Variants in RORB observed in about 807,000 individuals in gnomAD.
The protein encoded by RORB is RAR related orphan receptor B.
In RORB, 6 loss-of-function variants were observed where a neutral mutation model predicts 59.1. The ratio of observed to expected loss-of-function variants is 0.10; its 90% confidence interval spans 0.06 to 0.20. The LOEUF is 0.20. Among genes scored for constraint, RORB ranks in the 10% least tolerant of loss-of-function variants. The probability of loss-of-function intolerance (pLI) is 1.00; values close to 1 mark genes in which losing one functional copy is unlikely to be tolerated. For missense variants in RORB, 320 were observed against 560.5 expected, an observed-to-expected ratio of 0.57 and a Z score of 4.33; for synonymous variants, 215 against 204.5, an observed-to-expected ratio of 1.05 and a Z score of -0.44.
intron 1 of RORB, among the ~76,000 whole-genome samples, chr9:74,610,571 T>C (rs1416454858): frequency 1.3e-5 from 2 of 152,162 alleles, no homozygotes; most frequent in East Asian, 3.8e-4. Context: ...CCTAATACCA[T>C]CATCTTGAGG....
intron 1 of RORB, among the ~76,000 whole-genome samples, chr9:74,511,625 A>G (rs1485107423): frequency 6.7e-6 from 1 of 150,360 alleles, no homozygotes; most frequent in Non-Finnish European, 1.5e-5. Flanking sequence ...GAAAAAAAAA[A>G]GTGTCAAGGT....
At chr9:74,594,960 C>G (rs544461222) in intron 1 of RORB, among the ~76,000 whole-genome samples, 2 of 152,132 alleles carry the variant, frequency 1.3e-5, no homozygotes, top group Non-Finnish European at 2.9e-5. Context: ...TTCTACACAT[C>G]CAGTCCCTGA....
intron 1 of RORB, among the ~76,000 whole-genome samples, chr9:74,501,852 T>A (rs1180103178): frequency 6.6e-6 from 1 of 152,182 alleles, no homozygotes; most frequent in Non-Finnish European, 1.5e-5. Context: ...GAGGAAAATG[T>A]AGATGAAGAA....
chr9:74,544,799 C>T (rs10781235), intron 1 of RORB, among the ~76,000 whole-genome samples: 40,160 of 152,052 alleles, frequency 0.26, 6,078 homozygotes, highest in East Asian at 0.75. Flanking sequence ...GCTGAGTCAA[C>T]CCCCACCTGC....
At chr9:74,653,842 A>G (rs971465331) in intron 4 of RORB, among the ~76,000 whole-genome samples, 3 of 151,748 alleles carry the variant, frequency 2.0e-5, no homozygotes, top group African/African-American at 4.9e-5. Flanking sequence ...GCTTTGGTGG[A>G]AAAAAAACCC....
rs556978075 is a variant in RORB, at chr9:74,514,614, C to A, written c.7+16631C>A. On this transcript the variant is annotated intron_variant, in intron 1 of 9. Coordinates refer to ENST00000376896, the MANE Select transcript of RORB (RefSeq NM_006914.4). ...GAATAAGTGAGTAGAAGTATTTAAG[C>A]CTTAAGAGGATAACAGTATACTTAA... Among the ~76,000 whole-genome samples the A allele has an allele frequency of 9.3e-5, 14 of 150,224 alleles. No homozygotes were observed. The South Asian group carries it at 3.0e-3, about 32-fold the overall frequency.
intron 4 of RORB, among the ~76,000 whole-genome samples, chr9:74,656,223 A>C (rs1824077193): frequency 6.6e-6 from 1 of 151,986 alleles, no homozygotes; most frequent in Non-Finnish European, 1.5e-5. Context: ...TTGGTTGAGC[A>C]CCTACTATAT....
intron 1 of RORB, among the ~76,000 whole-genome samples, chr9:74,542,377 G>T (rs1826422024): frequency 6.6e-6 from 1 of 152,144 alleles, no homozygotes; most frequent in Admixed American, 6.5e-5. Context: ...TTGCAGAAAT[G>T]AAAAATGTAT....
intron 4 of RORB, among the ~76,000 whole-genome samples, chr9:74,649,524 C>T (rs1823957533): frequency 6.6e-6 from 1 of 152,094 alleles, no homozygotes; most frequent in African/African-American, 2.4e-5. Flanking sequence ...TAGAGGATAC[C>T]TGGAGCCACG....
rs1040364976 is a variant in RORB at position 74,688,628 on chromosome 9, G to A, written c.*3010G>A. On this transcript the variant is annotated 3_prime_UTR_variant, in exon 10 of 10. Transcript: ENST00000376896. ...AAGAAGGAGGAAAAAATTAAAAACAGGAAAATGACAACAAAATGTGAATGG... is the reference window on the plus strand; with the variant it reads ...AAGAAGGAGGAAAAAATTAAAAACAAGAAAATGACAACAAAATGTGAATGG... The A allele has an allele frequency of 2.0e-5, 3 of 151,798 alleles. No individual in the cohort carries two copies. The highest frequency in any genetic ancestry group is 2.9e-5 in the Non-Finnish European group (2 of 67,974). The allele number at this position is 151,798 out of a possible 1,614,324, so 9.4% of individuals were successfully genotyped here.
At chr9:74,567,192 A>C (rs771886257) in intron 1 of RORB, among the ~76,000 whole-genome samples, 3 of 151,874 alleles carry the variant, frequency 2.0e-5, no homozygotes, top group Non-Finnish European at 4.4e-5. Flanking sequence ...CACCCGGCTA[A>C]TTTTTTGTAT....
chr9:74,541,909 T>A (rs995333129), intron 1 of RORB, among the ~76,000 whole-genome samples: 2 of 152,166 alleles, frequency 1.3e-5, no homozygotes, highest in Non-Finnish European at 2.9e-5. Flanking sequence ...ATTTAATAGC[T>A]GCAAAAATTC....
At chr9:74,508,367 T>G (rs1490172861) in intron 1 of RORB, among the ~76,000 whole-genome samples, 3 of 152,030 alleles carry the variant, frequency 2.0e-5, no homozygotes, top group Non-Finnish European at 4.4e-5. Context: ...TTTATGTGAT[T>G]GGTTTTAGAA....
intron 1 of RORB, among the ~76,000 whole-genome samples, chr9:74,504,854 A>T (rs1411569285): frequency 6.6e-6 from 1 of 152,114 alleles, no homozygotes; most frequent in Non-Finnish European, 1.5e-5. Flanking sequence ...TTCAATAAAT[A>T]ATTGCAATAA....
intron 1 of RORB, among the ~76,000 whole-genome samples, chr9:74,616,132 G>A (rs1488136606): frequency 6.6e-6 from 1 of 152,184 alleles, no homozygotes; most frequent in African/African-American, 2.4e-5. Context: ...ACTATGAGGT[G>A]AATTACATTT....
intron 7 of RORB, among the ~76,000 whole-genome samples, chr9:74,667,467 T>C (rs1316026308): frequency 6.6e-6 from 1 of 152,242 alleles, no homozygotes; most frequent in Non-Finnish European, 1.5e-5. Context: ...TTTTATATTC[T>C]TTAATGTGAA....
intron 1 of RORB, among the ~76,000 whole-genome samples, chr9:74,591,602 C>G (rs1186632614): frequency 6.6e-6 from 1 of 152,118 alleles, no homozygotes; most frequent in Non-Finnish European, 1.5e-5. Flanking sequence ...ATTTATTTTA[C>G]TGCCCTAGTG....
At chr9:74,629,470 C>G (rs577925016) in intron 1 of RORB, among the ~76,000 whole-genome samples, 1 of 151,960 alleles carries the variant, frequency 6.6e-6, no homozygotes, top group Non-Finnish European at 1.5e-5. Flanking sequence ...AATCCACAAT[C>G]ATCCCAGGCC....
chr9:74,632,039 T>G (rs1438310624), intron 2 of RORB, among the ~76,000 whole-genome samples: 3 of 152,212 alleles, frequency 2.0e-5, no homozygotes, highest in Non-Finnish European at 1.5e-5. Context: ...CTACTAAAAC[T>G]GATTTTTAGA....
Sources: gnomAD v4.1 joint callset for allele counts (sites outside exome capture counted in the v4.1 genomes callset) on GRCh38, gnomAD v4.1.1 for gene constraint, MANE v1.5 for transcripts, NCBI Gene and HGNC (gene_info 2026-07-23, HGNC 2026-07-21) for gene names.